UPP2: variants seen among roughly 807,000 people sequenced by gnomAD.
UPP2 encodes the protein uridine phosphorylase 2.
Under a neutral mutation model 26.7 loss-of-function variants are expected in UPP2, and 23 were observed. The observed-to-expected ratio is 0.86, with a 90% CI of 0.62 to 1.22. The LOEUF (loss-of-function observed/expected upper bound fraction) is 1.22. UPP2 is among the 50% of genes most tolerant of loss of function. UPP2 has a pLI of 0.00. For missense variants in UPP2, 387 were observed against 396.7 expected (o/e 0.98, Z 0.21); for synonymous variants, 127 against 141.3 (o/e 0.90, Z 0.72).
At chr2:158,131,396 C>T (rs566191797) in intron 6 of UPP2, among the ~76,000 whole-genome samples, 1 of 152,134 alleles carries the variant, frequency 6.6e-6, no homozygotes, top group Admixed American at 6.5e-5. Flanking sequence ...CATAGGGGTG[C>T]GTGGATTCCT....
intron 3 of UPP2, among the ~76,000 whole-genome samples, chr2:158,063,751 T>C (rs1574270350): frequency 6.6e-6 from 1 of 152,090 alleles, no homozygotes; most frequent in South Asian, 2.1e-4. Context: ...TCCCTTAGCC[T>C]CCACCCCCCG....
chr2:158,056,568 A>G (rs1682248572), intron 3 of UPP2, among the ~76,000 whole-genome samples: 1 of 152,174 alleles, frequency 6.6e-6, no homozygotes, highest in South Asian at 2.1e-4. Flanking sequence ...AACCTGTAGG[A>G]GAGCCCTTCC....
intron 3 of UPP2, among the ~76,000 whole-genome samples, chr2:158,095,264 G>C (rs1347079485): frequency 1.3e-5 from 2 of 152,132 alleles, no homozygotes; most frequent in African/African-American, 2.4e-5. Context: ...CTTTAGGACT[G>C]GGCCATCATT....
At chr2:157,996,895 A>G (rs56269233) in intron 2 of UPP2, among the ~76,000 whole-genome samples, 9,525 of 152,346 alleles carry the variant, frequency 0.063, 391 homozygotes, top group Non-Finnish European at 0.096. Context: ...AAAGACATTT[A>G]TTCAGTAATG....
chr2:158,116,985 G>A (rs1474074375), intron 3 of UPP2, among the ~76,000 whole-genome samples: 2 of 151,952 alleles, frequency 1.3e-5, no homozygotes, highest in Non-Finnish European at 2.9e-5. Flanking sequence ...TCATGGTCAC[G>A]GCCAATGGTT....
intron 2 of UPP2, among the ~76,000 whole-genome samples, chr2:158,106,874 AT>A (rs543357706): frequency 1.3e-5 from 2 of 152,124 alleles, no homozygotes; most frequent in African/African-American, 2.4e-5. Context: ...TGATCAACTC[AT>A]TTTTTTCTTT....
chr2:158,088,668 G>T (rs1183146183), intron 3 of UPP2, among the ~76,000 whole-genome samples: 1 of 152,144 alleles, frequency 6.6e-6, no homozygotes, highest in Non-Finnish European at 1.5e-5. Context: ...TTGTCCCATG[G>T]GGTGCTCCCT....
At chr2:158,124,326 A>G (rs1259474054) in intron 6 of UPP2, among the ~76,000 whole-genome samples, 2 of 152,242 alleles carry the variant, frequency 1.3e-5, no homozygotes, top group Non-Finnish European at 2.9e-5. Context: ...CATTCTGTTC[A>G]ATGCAAATCC....
chr2:157,998,077 T>C (rs1683349803), intron 2 of UPP2, among the ~76,000 whole-genome samples: 1 of 152,184 alleles, frequency 6.6e-6, no homozygotes, highest in Non-Finnish European at 1.5e-5. Flanking sequence ...ATGGGTGTAC[T>C]TAGTAGAGAT....
rs1553467792 is a variant in UPP2, at chr2:158,083,867, T to TATA, written c.148-18173_148-18172insATA. Reference sequence around the variant, plus strand: ...ATGTCTGTTTATATATATATGTTTTTTATATATATATATATATCTCACAAG... The same window carrying TATA: ...ATGTCTGTTTATATATATATGTTTTTATATATATATATATATATATCTCACAAG... On this transcript the variant is annotated intron_variant, in intron 3 of 9. Transcript: ENST00000605860. Among the ~76,000 whole-genome samples the TATA allele has an allele frequency of 5.4e-3, 790 of 145,852 alleles. 5 individuals carry two copies. Among genetic ancestry groups the TATA allele is most frequent in the Middle Eastern group, 0.014 (4 of 278 alleles).
At chr2:158,047,083 G>C (rs1684166293) in intron 3 of UPP2, among the ~76,000 whole-genome samples, 1 of 152,186 alleles carries the variant, frequency 6.6e-6, no homozygotes, top group African/African-American at 2.4e-5. Flanking sequence ...ATGTGCATCT[G>C]AGGGAGTTTT....
At chr2:158,054,211 T>C (rs1444062241) in intron 3 of UPP2, among the ~76,000 whole-genome samples, 2 of 152,146 alleles carry the variant, frequency 1.3e-5, no homozygotes, top group South Asian at 2.1e-4. Context: ...TGAGCTTAGA[T>C]GGTGCCACTG....
intron 3 of UPP2, among the ~76,000 whole-genome samples, chr2:158,061,626 C>T (rs1574269089): frequency 6.6e-6 from 1 of 152,174 alleles, no homozygotes; most frequent in Non-Finnish European, 1.5e-5. Context: ...GGGGGCGGGG[C>T]CACCTACATC....
At chr2:158,002,488 T>G (rs1683424664) in intron 2 of UPP2, among the ~76,000 whole-genome samples, 1 of 152,136 alleles carries the variant, frequency 6.6e-6, no homozygotes, top group African/African-American at 2.4e-5. Flanking sequence ...TTAGCCAAGG[T>G]AAGAGGAAAA....
rs563764129 is a variant in UPP2, at chr2:158,074,556, G to A, written c.148-27484G>A. Among the ~76,000 whole-genome samples, 4 of 151,966 alleles carry A rather than the reference G, an allele frequency of 2.6e-5. No individual in the cohort carries two copies. The South Asian group carries it at 8.3e-4, about 32-fold the overall frequency. ...ATATGACAGTATTTACAGGCTTCAT[G>A]ATAACTTCAAATTTAAAAACATAGT... On this transcript the variant is annotated intron_variant, in intron 3 of 9. Coordinates refer to the UPP2 transcript ENST00000605860.
intron 3 of UPP2, among the ~76,000 whole-genome samples, chr2:158,076,803 C>G (rs958797768): frequency 1.3e-5 from 2 of 151,902 alleles, no homozygotes; most frequent in African/African-American, 2.4e-5. Context: ...CAACATAGTA[C>G]TAGAAGTCCT....
chr2:158,033,975 T>C (rs1255049309), intron 3 of UPP2, among the ~76,000 whole-genome samples: 2 of 152,190 alleles, frequency 1.3e-5, no homozygotes, highest in Non-Finnish European at 2.9e-5. Flanking sequence ...TCACCTTTAC[T>C]TCCTTCAGGA....
intron 2 of UPP2, among the ~76,000 whole-genome samples, chr2:158,012,181 C>A (rs1004505343): frequency 2.0e-5 from 3 of 150,368 alleles, no homozygotes; most frequent in Non-Finnish European, 4.4e-5. Context: ...GCTAATCACT[C>A]TGAGGAAAAG....
At chr2:158,023,861 G>T (rs1683794093) in intron 3 of UPP2, among the ~76,000 whole-genome samples, 1 of 152,234 alleles carries the variant, frequency 6.6e-6, no homozygotes, top group Middle Eastern at 3.4e-3. Flanking sequence ...CAAACATTTG[G>T]GTTGTCAGGG....
Sources: gnomAD v4.1 joint callset for allele counts (sites outside exome capture counted in the v4.1 genomes callset) on GRCh38, gnomAD v4.1.1 for gene constraint, MANE v1.5 for transcripts, NCBI Gene and HGNC (gene_info 2026-07-23, HGNC 2026-07-21) for gene names.